Variants in SUCLG2 observed in about 807,000 individuals in gnomAD.
The protein encoded by SUCLG2 is succinate--CoA ligase [GDP-forming] subunit beta, mitochondrial.
Under a neutral mutation model 47.9 loss-of-function variants are expected in SUCLG2, and 42 were observed. The ratio of observed to expected loss-of-function variants is 0.88; its 90% CI spans 0.69 to 1.14. The LOEUF is 1.14. Ranked by LOEUF, SUCLG2 falls within the 50% of genes most tolerant of loss-of-function variation. The pLI is 0.00. For missense variants in SUCLG2, 571 were observed against 525.9 expected, an observed-to-expected ratio of 1.09 and a Z score of -0.84; for synonymous variants, 195 against 197.3, an observed-to-expected ratio of 0.99 and a Z score of 0.10.
intron 1 of SUCLG2, among the ~76,000 whole-genome samples, chr3:67,646,604 A>G (rs1701195870): frequency 6.6e-6 from 1 of 152,110 alleles, no homozygotes; most frequent in Admixed American, 6.5e-5. Context: ...GAAAAAATAT[A>G]AATAAAAATA....
At chr3:67,645,899 C>T (rs1439310108) in intron 1 of SUCLG2, among the ~76,000 whole-genome samples, 1 of 151,130 alleles carries the variant, frequency 6.6e-6, no homozygotes, top group Non-Finnish European at 1.5e-5. Context: ...AGAGTACAAG[C>T]AGAAGCTGGG....
chr3:67,392,173 A>T (rs76146844), intron 10 of SUCLG2, among the ~76,000 whole-genome samples: 16,719 of 151,752 alleles, frequency 0.11, 1,148 homozygotes, highest in African/African-American at 0.2. Context: ...TCCTTCACTG[A>T]CCCCTGTGGA....
intron 2 of SUCLG2, among the ~76,000 whole-genome samples, chr3:67,548,505 TAG>T (rs1706926616): frequency 6.6e-6 from 1 of 152,152 alleles, no homozygotes; most frequent in African/African-American, 2.4e-5. Context: ...TTAAAAATAT[TAG>T]AGTTTAAAAA....
At chr3:67,416,360 C>A (rs1280287555) in intron 9 of SUCLG2, among the ~76,000 whole-genome samples, 1 of 152,132 alleles carries the variant, frequency 6.6e-6, no homozygotes, top group Admixed American at 6.6e-5. Flanking sequence ...GAAACTAATC[C>A]TTTGCCATAC....
chr3:67,641,212 G>A (rs1701095055), intron 1 of SUCLG2, among the ~76,000 whole-genome samples: 1 of 152,160 alleles, frequency 6.6e-6, no homozygotes, highest in South Asian at 2.1e-4. Context: ...TCTTTAAGTT[G>A]ATTTCACTCA....
intron 2 of SUCLG2, among the ~76,000 whole-genome samples, chr3:67,554,337 T>C (rs917273570): frequency 6.6e-6 from 1 of 152,230 alleles, no homozygotes; most frequent in South Asian, 2.1e-4. Flanking sequence ...AGTGTTGTTG[T>C]TGTTGTTAGG....
At chr3:67,374,531 T>C (rs186632292), downstream of SUCLG2, among the ~76,000 whole-genome samples, 58 of 152,258 alleles carry the variant, frequency 3.8e-4, no homozygotes, top group Non-Finnish European at 6.8e-4. Flanking sequence ...GTATAACTTT[T>C]ATGGATTCAA....
At position 67,474,256 on chromosome 3, in the gene SUCLG2, T is replaced by G. The variant is rs191460069; in HGVS notation, c.1062+21542A>C. Among the ~76,000 whole-genome samples, 4 of 150,258 alleles carry G rather than the reference T, an allele frequency of 2.7e-5. No individual in the cohort carries two copies. The East Asian group carries it at 7.8e-4, about 29-fold the overall frequency. On this transcript the variant is annotated intron_variant, in intron 9 of 10. Coordinates refer to ENST00000307227, the MANE Select transcript of SUCLG2 (RefSeq NM_003848.4). ...GACTGGGTGACAGAGGGAGACTCCA[T>G]CTCAAAAAAAAAAGAAAGAAAGAAA...
At chr3:67,465,660 G>C (rs1461663547) in intron 9 of SUCLG2, among the ~76,000 whole-genome samples, 1 of 152,184 alleles carries the variant, frequency 6.6e-6, no homozygotes, top group East Asian at 1.9e-4. Context: ...CCTTCACTCA[G>C]AGTCAGACCT....
chr3:67,644,091 A>G (rs1469430326), intron 1 of SUCLG2, among the ~76,000 whole-genome samples: 2 of 152,242 alleles, frequency 1.3e-5, no homozygotes, highest in Non-Finnish European at 2.9e-5. Context: ...TTAGTTGGAC[A>G]TGGGAAACTG....
In SUCLG2 at chr3:67,468,845, G is replaced by A. The variant is rs530682458; in HGVS notation, c.1062+26953C>T. Among the ~76,000 whole-genome samples the A allele has an allele frequency of 6.6e-5, 10 of 152,256 alleles. No individual in the cohort carries two copies. In the South Asian group the frequency reaches 1.4e-3, roughly 22 times the overall value. ...GTTTATTAAGGAAGCAATGGATAAC[G>A]GAAACAGAGCTGAATACAAAATTAC... is the stretch of plus-strand genomic sequence containing the variant. On this transcript the variant is annotated intron_variant, in intron 9 of 10. Coordinates refer to ENST00000307227, the MANE Select transcript of SUCLG2 (RefSeq NM_003848.4).
intron 2 of SUCLG2, among the ~76,000 whole-genome samples, chr3:67,548,153 G>A (rs1161086668): frequency 6.6e-6 from 1 of 152,188 alleles, no homozygotes; most frequent in East Asian, 1.9e-4. Context: ...CCCAATTGAA[G>A]TTAAGGGAGT....
chr3:67,645,601 T>G (rs992684650), intron 1 of SUCLG2, among the ~76,000 whole-genome samples: 5 of 152,168 alleles, frequency 3.3e-5, no homozygotes, highest in Admixed American at 1.3e-4. Flanking sequence ...AATTCCTTTT[T>G]TCCCTGTATT....
intron 1 of SUCLG2, among the ~76,000 whole-genome samples, chr3:67,614,778 A>C (rs1700594334): frequency 6.6e-6 from 1 of 152,142 alleles, no homozygotes. Context: ...CTCAGTTTAC[A>C]GTCAGGAACC....
chr3:67,568,621 C>T (rs1707529797), intron 2 of SUCLG2, among the ~76,000 whole-genome samples: 1 of 152,200 alleles, frequency 6.6e-6, no homozygotes, highest in Non-Finnish European at 1.5e-5. Context: ...GGCGCGGTGG[C>T]TCACGCCTGT....
intron 9 of SUCLG2, among the ~76,000 whole-genome samples, chr3:67,407,680 A>G (rs532352601): frequency 2.0e-5 from 3 of 152,320 alleles, no homozygotes; most frequent in African/African-American, 7.2e-5. Context: ...GCCTATTCCA[A>G]TCACGAATGC....
chr3:67,636,166 C>G (rs570088351), intron 1 of SUCLG2, among the ~76,000 whole-genome samples: 2 of 151,952 alleles, frequency 1.3e-5, no homozygotes, highest in Non-Finnish European at 2.9e-5. Flanking sequence ...CACTTCCAAG[C>G]AGAAACTCCA....
intron 2 of SUCLG2, among the ~76,000 whole-genome samples, chr3:67,583,024 T>C (rs189464897): frequency 1.2e-3 from 177 of 152,288 alleles, no homozygotes; most frequent in African/African-American, 4.1e-3. Context: ...GTTACTTGTA[T>C]GCAGTGACAA....
chr3:67,489,682 C>T (rs1039799579), intron 9 of SUCLG2, among the ~76,000 whole-genome samples: 1 of 152,142 alleles, frequency 6.6e-6, no homozygotes, highest in African/African-American at 2.4e-5. Flanking sequence ...AGAAAACAGT[C>T]GCTTGCAGAT....
Sources: allele counts gnomAD v4.1 joint callset (sites outside exome capture counted in the v4.1 genomes callset), GRCh38; gene constraint gnomAD v4.1.1; transcripts MANE v1.5; gene names NCBI Gene and HGNC (gene_info 2026-07-23, HGNC 2026-07-21).